Variants in STK33 observed in about 807,000 individuals in gnomAD.
The protein encoded by STK33 is serine/threonine kinase 33.
STK33 carries 52 observed loss-of-function variants against 58.0 expected under a neutral mutation model. The ratio of observed to expected loss-of-function variants is 0.90; its 90% CI spans 0.72 to 1.13. STK33 has a LOEUF of 1.13. Ranked by LOEUF, STK33 falls within the 50% of genes most tolerant of loss-of-function variation. The pLI is 0.00. For missense variants in STK33, 630 were observed against 604.2 expected (o/e 1.04, Z -0.45); for synonymous variants, 215 against 200.1 (o/e 1.07, Z -0.63).
rs375501330 is a variant in STK33, at chr11:8,537,797, G to A, written c.-466+56286C>T. ...TGCACTCCAGCCTGGGGAACAGAGC[G>A]AGACTCTGTTTCAAAAAAAAAAAAA... On this transcript the variant is annotated intron_variant, in intron 1 of 15. Transcript: ENST00000687296. Among the ~76,000 whole-genome samples, 153 of 139,684 alleles carry A rather than the reference G, an allele frequency of 1.1e-3. 1 individual carries two copies. Among genetic ancestry groups the A allele is most frequent in the African/African-American group, 3.8e-3 (138 of 36,636 alleles). 91.6% of individuals were successfully genotyped at this position (139,684 alleles called of 152,430 possible).
At chr11:8,553,885 T>A (rs770852045) in intron 1 of STK33, among the ~76,000 whole-genome samples, 7 of 152,068 alleles carry the variant, frequency 4.6e-5, no homozygotes, top group Non-Finnish European at 8.8e-5. Flanking sequence ...CTCCATGACA[T>A]TAGACTAGGC....
intron 12 of STK33, among the ~76,000 whole-genome samples, chr11:8,438,059 G>T (rs1015707569): frequency 2.6e-5 from 4 of 152,158 alleles, no homozygotes; most frequent in African/African-American, 4.8e-5. Context: ...CATTGAGCCT[G>T]TTATCAACCA....
chr11:8,437,961 A>G (rs2136315150), intron 12 of STK33, among the ~76,000 whole-genome samples: 1 of 152,318 alleles, frequency 6.6e-6, no homozygotes, highest in Non-Finnish European at 1.5e-5. Flanking sequence ...TGCAATTTAA[A>G]AAGCTATGGA....
intron 1 of STK33, among the ~76,000 whole-genome samples, chr11:8,488,958 T>C (rs912085407): frequency 1.3e-5 from 2 of 152,150 alleles, no homozygotes; most frequent in Admixed American, 6.5e-5. Flanking sequence ...AAAGAAACCA[T>C]GTCTAAAGAA....
Position 8,430,284 on chromosome 11 carries a change from T to A in STK33, c.1146+5210A>T, listed in dbSNP as rs145194893. Among the ~76,000 whole-genome samples, 70 of 152,342 alleles carry A rather than the reference T, an allele frequency of 4.6e-4. 1 individual carries two copies. The East Asian group carries it at 0.013, about 29-fold the overall frequency. On this transcript the variant is annotated intron_variant, in intron 14 of 15. Transcript: ENST00000687296. Reference sequence around the variant, plus strand: ...TTTGAAAAGTTATTTCTATCTAGAATTCTCTTACCTTCCTTACCCCGACTC... The same window carrying A: ...TTTGAAAAGTTATTTCTATCTAGAAATCTCTTACCTTCCTTACCCCGACTC...
chr11:8,418,451 T>C (rs539303196), intron 14 of STK33, among the ~76,000 whole-genome samples: 1 of 152,312 alleles, frequency 6.6e-6, no homozygotes, highest in South Asian at 2.1e-4. Context: ...TAGAATTCCA[T>C]GGTGTATATG....
chr11:8,428,788 T>A (rs1160310680), intron 14 of STK33, among the ~76,000 whole-genome samples: 1 of 152,156 alleles, frequency 6.6e-6, no homozygotes, highest in Non-Finnish European at 1.5e-5. Context: ...GCCCTATCCA[T>A]CCACTAAAGC....
the STK33 span, among the ~76,000 whole-genome samples, chr11:8,345,929 C>T: frequency 0.049 from 7,423 of 152,244 alleles, 258 homozygotes; most frequent in Non-Finnish European, 0.073. Flanking sequence ...TTCCACGTAC[C>T]GAGTGGCAAC....
intron 1 of STK33, among the ~76,000 whole-genome samples, chr11:8,571,346 A>G (rs1402134118): frequency 6.6e-6 from 1 of 152,214 alleles, no homozygotes; most frequent in African/African-American, 2.4e-5. Context: ...CTTATATGAA[A>G]TATCTAGAAT....
chr11:8,379,297 A>G, the STK33 span, among the ~76,000 whole-genome samples: 13 of 152,184 alleles, frequency 8.5e-5, no homozygotes, highest in African/African-American at 3.1e-4. Context: ...AATAAATGGG[A>G]CCTAATTAAA....
At chr11:8,505,748 A>G (rs1951818717) in intron 1 of STK33, among the ~76,000 whole-genome samples, 1 of 152,194 alleles carries the variant, frequency 6.6e-6, no homozygotes, top group African/African-American at 2.4e-5. Flanking sequence ...GGTGTTTGTC[A>G]AAAGAAGCAC....
intron 1 of STK33, among the ~76,000 whole-genome samples, chr11:8,520,736 C>T (rs984245615): frequency 8.5e-5 from 13 of 152,200 alleles, no homozygotes; most frequent in African/African-American, 2.9e-4. Flanking sequence ...AGTGAACTCA[C>T]GTTCACAATT....
intron 1 of STK33, among the ~76,000 whole-genome samples, chr11:8,482,430 A>G (rs1949880167): frequency 6.6e-6 from 1 of 152,218 alleles, no homozygotes; most frequent in Non-Finnish European, 1.5e-5. Context: ...GTATATATCC[A>G]GCACACACTT....
rs1477395517 is a variant in STK33, at chr11:8,583,361, C to G, written c.-466+10722G>C. Among the ~76,000 whole-genome samples the G allele has an allele frequency of 2.9e-4, 44 of 152,006 alleles. 1 individual carries two copies. Reference sequence around the variant, plus strand: ...TACTAAAAAAAAATGGCATCTAGTACTAAAAGTAAAATTCCACAAATTATT... The same window carrying G: ...TACTAAAAAAAAATGGCATCTAGTAGTAAAAGTAAAATTCCACAAATTATT... On this transcript the variant is annotated intron_variant, in intron 1 of 15. Coordinates refer to ENST00000687296, the MANE Select transcript of STK33 (RefSeq NM_001352389.2).
intron 15 of STK33, among the ~76,000 whole-genome samples, chr11:8,395,672 T>G (rs1380409289): frequency 6.6e-6 from 1 of 152,238 alleles, no homozygotes; most frequent in Non-Finnish European, 1.5e-5. Flanking sequence ...TATGCAATAT[T>G]CTCTTGTTTA....
chr11:8,477,192 A>C (rs2138023221), intron 3 of STK33, 58 bp downstream of exon 3: 1 of 149,932 alleles, frequency 6.7e-6, no homozygotes, highest in South Asian at 2.1e-4. Context: ...ATCTCTTATA[A>C]ACACTTAACC....
At chr11:8,402,179 C>T (rs1228130847) in intron 15 of STK33, among the ~76,000 whole-genome samples, 6 of 152,152 alleles carry the variant, frequency 3.9e-5, no homozygotes, top group East Asian at 3.9e-4. Context: ...ATGTTTATTG[C>T]GGCACTATTC....
the STK33 span, among the ~76,000 whole-genome samples, chr11:8,355,038 C>T: frequency 2.6e-5 from 4 of 152,256 alleles, no homozygotes; most frequent in Admixed American, 6.5e-5. Flanking sequence ...AGGAGGGGAA[C>T]GACGGGTTCA....
chr11:8,335,140 C>A, the STK33 span, among the ~76,000 whole-genome samples: 1 of 152,216 alleles, frequency 6.6e-6, no homozygotes, highest in Non-Finnish European at 1.5e-5. Context: ...CCGCAGCCTG[C>A]AAATCGCAGA....
Sources: allele counts gnomAD v4.1 joint callset (sites outside exome capture counted in the v4.1 genomes callset), GRCh38; gene constraint gnomAD v4.1.1; transcripts MANE v1.5; gene names NCBI Gene and HGNC (gene_info 2026-07-23, HGNC 2026-07-21).